Variants in RNF180 observed in about 807,000 individuals in gnomAD.
RNF180 encodes ring finger protein 180, also known as E3 ubiquitin-protein ligase RNF180.
RNF180 carries 38 observed loss-of-function variants against 59.2 expected under a neutral mutation model. That is an observed-to-expected ratio of 0.64 (90% CI 0.50 to 0.84). The LOEUF (loss-of-function observed/expected upper bound fraction) is 0.84. Ranked by LOEUF, RNF180 falls within the 40% of genes least tolerant of loss-of-function variation. The pLI is 0.00. For missense variants in RNF180, 705 were observed against 700.9 expected (o/e 1.01, Z -0.07); for synonymous variants, 262 against 240.3 (o/e 1.09, Z -0.84).
At chr5:64,193,337 A>C (rs1751279880) in intron 1 of RNF180, among the ~76,000 whole-genome samples, 1 of 152,148 alleles carries the variant, frequency 6.6e-6, no homozygotes, top group African/African-American at 2.4e-5. Flanking sequence ...TTTGGAAGTG[A>C]TGGATATATC....
chr5:64,354,871 A>C (rs1337519513), intron 7 of RNF180, among the ~76,000 whole-genome samples: 1 of 151,866 alleles, frequency 6.6e-6, no homozygotes, highest in African/African-American at 2.4e-5. Context: ...AAAATCTAGC[A>C]CCCTGTCATG....
chr5:64,331,418 G>A (rs1487570761), intron 7 of RNF180, among the ~76,000 whole-genome samples: 1 of 152,152 alleles, frequency 6.6e-6, no homozygotes, highest in Non-Finnish European at 1.5e-5. Flanking sequence ...CCATGAACCA[G>A]TCAGCATGCA....
intron 5 of RNF180, among the ~76,000 whole-genome samples, chr5:64,239,338 T>C (rs1742652252): frequency 6.6e-6 from 1 of 152,160 alleles, no homozygotes; most frequent in African/African-American, 2.4e-5. Context: ...TGTTTGAGAA[T>C]CATTGCTTTC....
At position 64,360,222 on chromosome 5, in the gene RNF180, G is replaced by A. The variant is rs528441386; in HGVS notation, c.1580-9393G>A. Among the ~76,000 whole-genome samples, 225 of 151,888 alleles carry A rather than the reference G, an allele frequency of 1.5e-3. 1 individual carries two copies. The highest frequency in any genetic ancestry group is 5.2e-3 in the African/African-American group (216 of 41,466). The stretch of plus-strand genomic sequence containing the variant: ...TGGCATTGAATCTGTAAATTACCTT[G>A]GGCAGTATGGCCATTTTCACAATAT... On this transcript the variant is annotated intron_variant, in intron 7 of 7. Transcript: ENST00000389100.
intron 5 of RNF180, among the ~76,000 whole-genome samples, chr5:64,227,116 G>A (rs1741816260): frequency 6.6e-6 from 1 of 152,184 alleles, no homozygotes; most frequent in South Asian, 2.1e-4. Flanking sequence ...GGCAGACACA[G>A]AGCTGGAGGC....
intron 5 of RNF180, among the ~76,000 whole-genome samples, chr5:64,285,077 C>G (rs1357740582): frequency 6.6e-6 from 1 of 152,190 alleles, no homozygotes; most frequent in Non-Finnish European, 1.5e-5. Flanking sequence ...TGGAAGATTT[C>G]ACAGAACCAA....
chr5:64,307,188 C>T (rs1029057121), intron 5 of RNF180, among the ~76,000 whole-genome samples: 2 of 149,544 alleles, frequency 1.3e-5, no homozygotes, highest in Admixed American at 1.4e-4. Flanking sequence ...TAGTATAAGA[C>T]AAGCCCCCAG....
intron 5 of RNF180, among the ~76,000 whole-genome samples, chr5:64,295,559 A>G (rs1742842289): frequency 6.6e-6 from 1 of 152,162 alleles, no homozygotes. Context: ...TTAAAGGCCT[A>G]CTCAGAAATC....
chr5:64,350,625 A>G (rs995988678), intron 7 of RNF180, among the ~76,000 whole-genome samples: 18 of 152,112 alleles, frequency 1.2e-4, no homozygotes, highest in Non-Finnish European at 2.5e-4. Context: ...CTTTCTACAT[A>G]TGGCTAGCCA....
chr5:64,342,521 T>TA lies in RNF180; in HGVS notation c.1579+12121dup, dbSNP rs565805105. 1.9e-4 allele frequency among the ~76,000 whole-genome samples: 29 copies of TA among 152,198 alleles called. No individual in the cohort carries two copies. The East Asian group carries it at 5.4e-3, about 28-fold the overall frequency. Reference sequence around the variant, plus strand: ...AGTAAAAAAGGCTTAAAAAGTTGGCTAAAAAAGACAGAATGAAATCTCTTG... The same window carrying TA: ...AGTAAAAAAGGCTTAAAAAGTTGGCTAAAAAAAGACAGAATGAAATCTCTTG... On this transcript the variant is annotated intron_variant, in intron 7 of 7. Transcript: ENST00000389100.
At chr5:64,181,552 G>A (rs576437459) in intron 1 of RNF180, among the ~76,000 whole-genome samples, 1 of 152,268 alleles carries the variant, frequency 6.6e-6, no homozygotes, top group Admixed American at 6.5e-5. Context: ...AAATCAGGTG[G>A]TAAAGGCCTG....
At chr5:64,248,008 A>C (rs960998263) in intron 5 of RNF180, among the ~76,000 whole-genome samples, 11 of 152,242 alleles carry the variant, frequency 7.2e-5, no homozygotes, top group African/African-American at 2.7e-4. Flanking sequence ...AGGAATGGGG[A>C]AAGAATTCCT....
chr5:64,254,205 A>G (rs1350393178), intron 5 of RNF180, among the ~76,000 whole-genome samples: 1 of 152,198 alleles, frequency 6.6e-6, no homozygotes, highest in African/African-American at 2.4e-5. Context: ...CTAGGAAGCT[A>G]AACCTTTCAA....
At chr5:64,250,068 C>T (rs1453941038) in intron 5 of RNF180, among the ~76,000 whole-genome samples, 1 of 152,148 alleles carries the variant, frequency 6.6e-6, no homozygotes, top group Non-Finnish European at 1.5e-5. Flanking sequence ...TGTTAGGCCA[C>T]ACAACAAGTC....
chr5:64,366,439 G>C (rs1325734774), intron 7 of RNF180, among the ~76,000 whole-genome samples: 3 of 151,254 alleles, frequency 2.0e-5, no homozygotes, highest in African/African-American at 7.3e-5. Flanking sequence ...TGTGCCTTGG[G>C]GATAACCTTC....
chr5:64,305,840 G>A (rs1042092766), intron 5 of RNF180, among the ~76,000 whole-genome samples: 30 of 151,500 alleles, frequency 2.0e-4, no homozygotes, highest in African/African-American at 6.8e-4. Flanking sequence ...GATCTAGAAT[G>A]ATGGAGCATC....
At position 64,227,459 on chromosome 5, in the gene RNF180, G is replaced by A. The variant is rs114438246; in HGVS notation, c.1227+10063G>A. On this transcript the variant is annotated intron_variant, in intron 5 of 7. Coordinates refer to ENST00000389100, the MANE Select transcript of RNF180 (RefSeq NM_001113561.2). Reference sequence around the variant, plus strand: ...GGGTTCAAGAGGCACCTGGAGCCCCGCCCTCCTCAGAGCAGCCTCTTAGCC... The same window carrying A: ...GGGTTCAAGAGGCACCTGGAGCCCCACCCTCCTCAGAGCAGCCTCTTAGCC... Among the ~76,000 whole-genome samples the A allele has an allele frequency of 4.7e-3, 722 of 152,274 alleles. 7 individuals carry two copies. Among genetic ancestry groups the A allele is most frequent in the African/African-American group, 0.016 (650 of 41,570 alleles).
chr5:64,252,636 G>A (rs1743657883), intron 5 of RNF180, among the ~76,000 whole-genome samples: 1 of 152,124 alleles, frequency 6.6e-6, no homozygotes, highest in Admixed American at 6.6e-5. Flanking sequence ...CAGCTGTTAA[G>A]TATACAGATG....
At chr5:64,241,664 A>G (rs1049253684) in intron 5 of RNF180, among the ~76,000 whole-genome samples, 2 of 152,206 alleles carry the variant, frequency 1.3e-5, no homozygotes, top group African/African-American at 4.8e-5. Context: ...GTGTACTAAA[A>G]TATCTTCATA....
Sources: allele counts gnomAD v4.1 joint callset (sites outside exome capture counted in the v4.1 genomes callset), GRCh38; gene constraint gnomAD v4.1.1; transcripts MANE v1.5; gene names NCBI Gene and HGNC (gene_info 2026-07-23, HGNC 2026-07-21).